The following ACSF3 variants were observed in gnomAD, a reference collection of about 807,000 sequenced individuals.
ACSF3 encodes the protein malonate--CoA ligase ACSF3, mitochondrial.
A neutral mutation model predicts 53.2 loss-of-function variants in ACSF3; 78 were observed. That is an observed-to-expected ratio of 1.47 (90% CI 1.22 to 1.77). ACSF3 has a LOEUF of 1.77. Ranked by LOEUF, ACSF3 falls within the 40% of genes most tolerant of loss-of-function variation. The pLI is 0.00. For synonymous variants in ACSF3, 414 were observed against 333.1 expected (o/e 1.24, Z -2.65); for missense variants, 937 against 771.1 (o/e 1.22, Z -2.55).
intron 7 of ACSF3, among the ~76,000 whole-genome samples, chr16:89,123,655 C>G (rs928717907): frequency 2.6e-5 from 4 of 152,212 alleles, no homozygotes; most frequent in African/African-American, 9.7e-5. Context: ...GGCAGATGAT[C>G]AGCCAGGCCT....
chr16:89,112,517 C>T (rs1904297650), intron 5 of ACSF3, among the ~76,000 whole-genome samples: 1 of 152,150 alleles, frequency 6.6e-6, no homozygotes, highest in African/African-American at 2.4e-5. Context: ...CTCTCTATCT[C>T]TCTCTGTCTC....
In ACSF3 at chr16:89,101,164, G is replaced by C; in HGVS notation, c.483G>C (p.Arg161Ser). ...EYLELLSPVVRKLGVPLLPLT... is the reference protein window; with the variant it reads ...EYLELLSPVVSKLGVPLLPLT... ...TGGAGCTCCTGAGCCCGGTGGTCAG[G>C]AAGCTGGGGGTCCCGCTGCTGCCGC... The change falls in exon 3 of 11, where the codon AGG (arginine) becomes AGC (serine). Residue 161 changes from arginine to serine, a missense_variant. Coordinates refer to ENST00000614302, the MANE Select transcript of ACSF3 (RefSeq NM_001243279.3). 1 of 1,612,994 alleles carries C rather than the reference G, an allele frequency of 6.2e-7. No homozygotes were observed. Among genetic ancestry groups the C allele is most frequent in the African/African-American group, 1.3e-5 (1 of 75,018 alleles).
rs1340982215 is a variant in ACSF3 at position 89,101,015 on chromosome 16, C to T, written c.334C>T (p.Gln112Ter). 2 of 1,613,818 alleles carry T rather than the reference C, an allele frequency of 1.2e-6. No individual in the cohort carries two copies. Among genetic ancestry groups the T allele is most frequent in the Non-Finnish European group, 1.7e-6 (2 of 1,179,814 alleles). ...TAACGATGCCTCCTACGTCGTGGCCCAGTGGGCGTCATGGATGAGTGGCGG... is the reference window on the plus strand; with the variant it reads ...TAACGATGCCTCCTACGTCGTGGCCTAGTGGGCGTCATGGATGAGTGGCGG... Reference protein sequence around the residue: ...CANDASYVVAQWASWMSGGVA... With the variant: ...CANDASYVVA The change falls in exon 3 of 11, where the codon CAG becomes TAG. Residue 112 changes from glutamine to a stop codon, truncating the protein, a stop_gained. Transcript: ENST00000614302. LOFTEE classifies it high-confidence loss of function.
At position 89,154,673 on chromosome 16, in the gene ACSF3, C is replaced by A; in HGVS notation, c.*466C>A. On this transcript the variant is annotated 3_prime_UTR_variant, in exon 11 of 11. Transcript: ENST00000614302. ...CCCACATAGGAGGTCTGGGCAGCCACCCAGGGGGCCCTCCTGGGAGGAGCT... is the reference window on the plus strand; with the variant it reads ...CCCACATAGGAGGTCTGGGCAGCCAACCAGGGGGCCCTCCTGGGAGGAGCT... 1 of 454,130 alleles carries A rather than the reference C, an allele frequency of 2.2e-6. No individual in the cohort carries two copies. Among genetic ancestry groups the A allele is most frequent in the Non-Finnish European group, 4.4e-6 (1 of 226,884 alleles). The allele number at this position is 454,130 out of a possible 1,614,324, so 28.1% of individuals were successfully genotyped here.
At chr16:89,119,296 G>A (rs1221301344) in intron 6 of ACSF3, among the ~76,000 whole-genome samples, 6 of 151,602 alleles carry the variant, frequency 4.0e-5, no homozygotes, top group Non-Finnish European at 5.9e-5. Flanking sequence ...CTGCGTCCCC[G>A]CCCCAGTAGA....
intron 1 of ACSF3, among the ~76,000 whole-genome samples, chr16:89,096,844 G>A (rs1974675444): frequency 6.6e-6 from 1 of 152,168 alleles, no homozygotes; most frequent in Admixed American, 6.5e-5. Flanking sequence ...ATAGCGCGTG[G>A]GCTCTCTGGG....
intron 10 of ACSF3, chr16:89,152,012 GAGA>G (rs1315818832): frequency 6.6e-6 from 1 of 152,368 alleles, no homozygotes; most frequent in South Asian, 2.1e-4. Context: ...AGCAAACTAG[GAGA>G]AGAAGGAAAA....
chr16:89,121,915 T>A (rs1906737330), intron 7 of ACSF3, among the ~76,000 whole-genome samples: 2 of 152,204 alleles, frequency 1.3e-5, no homozygotes, highest in Non-Finnish European at 2.9e-5. Flanking sequence ...TTCAGTGTCA[T>A]TAAATGACAC....
chr16:89,114,756 A>T (rs1279221925), intron 6 of ACSF3: 1 of 537,296 alleles, frequency 1.9e-6, no homozygotes, highest in Non-Finnish European at 3.4e-6. Flanking sequence ...AATGGGAAGA[A>T]CAGCAATGCC....
chr16:89,115,400 G>C (rs141647687), intron 6 of ACSF3: 2 of 152,320 alleles, frequency 1.3e-5, no homozygotes, highest in Non-Finnish European at 2.9e-5. Context: ...GGGAGGCCAC[G>C]TGGCTAAATC....
chr16:89,145,481 T>A, intron 9 of ACSF3, 80 bp downstream of exon 9: 2 of 1,550,434 alleles, frequency 1.3e-6, no homozygotes, highest in Non-Finnish European at 1.8e-6. Context: ...CGACTGCAGA[T>A]GAGTCGACGC....
At chr16:89,153,516 T>C (rs1294097447) in intron 10 of ACSF3, 1 of 149,204 alleles carries the variant, frequency 6.7e-6, no homozygotes, top group African/African-American at 2.6e-5. Context: ...GGACCCTGAG[T>C]GGAGGTTTCA....
In ACSF3 at chr16:89,119,707, C is replaced by T. The variant is rs867367808; in HGVS notation, c.1127-1094C>T. 2.6e-5 allele frequency among the ~76,000 whole-genome samples: 4 copies of T among 152,266 alleles called. No individual in the cohort carries two copies. In the South Asian group the frequency reaches 6.2e-4, roughly 24 times the overall value. Reference sequence around the variant, plus strand: ...CATACCTGGAACCACAGAGAACTCCCGAGGTGACACTCCGCACACCACACT... The same window carrying T: ...CATACCTGGAACCACAGAGAACTCCTGAGGTGACACTCCGCACACCACACT... On this transcript the variant is annotated intron_variant, in intron 6 of 10. Coordinates refer to ENST00000614302, the MANE Select transcript of ACSF3 (RefSeq NM_001243279.3).
intron 6 of ACSF3, among the ~76,000 whole-genome samples, chr16:89,117,972 G>A (rs1438538757): frequency 9.0e-6 from 1 of 111,016 alleles, no homozygotes; most frequent in Non-Finnish European, 2.0e-5. Flanking sequence ...CAGGCGCCAA[G>A]GACATTCCCT....
At chr16:89,113,845 C>T (rs551264165) in intron 5 of ACSF3, 59 of 280,170 alleles carry the variant, frequency 2.1e-4, no homozygotes, top group African/African-American at 1.0e-3. Context: ...CGGCCCCACC[C>T]CTTGGGTGCC....
intron 5 of ACSF3, chr16:89,113,876 G>A (rs752761225): frequency 3.4e-6 from 1 of 298,476 alleles, no homozygotes; most frequent in Admixed American, 4.6e-5. Flanking sequence ...ACCCATGTCC[G>A]CGTTCTGCTG....
At position 89,112,172 on chromosome 16, in the gene ACSF3, G is replaced by A. The variant is rs1449730816; in HGVS notation, c.903G>A (p.Met301Ile). The change falls in exon 5 of 11, where the codon ATG (methionine) becomes ATA (isoleucine). Residue 301 changes from methionine to isoleucine, a missense_variant. By Grantham distance (10) the Met-to-Ile change is conservative. Transcript: ENST00000614302. Reference sequence around the variant, plus strand: ...TGCCTACAATATACACCAAGCTGATGGAGTACTACGACAGGCATTTTACCC... The same window carrying A: ...TGCCTACAATATACACCAAGCTGATAGAGTACTACGACAGGCATTTTACCC... ...MAVPTIYTKL[M>I]EYYDRHFTQP... The A allele has an allele frequency of 2.2e-5, 28 of 1,291,006 alleles. No homozygotes were observed. In the East Asian group the frequency reaches 7.6e-4, roughly 35 times the overall value. 80.0% of individuals were successfully genotyped at this position (1,291,006 alleles called of 1,614,324 possible). A position where few individuals can be genotyped will look rare whatever the true frequency, so the allele number is the denominator to read the frequency against.
At position 89,114,453 on chromosome 16, in the gene ACSF3, G is replaced by A. The variant is rs775808630; in HGVS notation, c.1092G>A (p.Leu364=). 22 of 1,613,206 alleles carry A rather than the reference G, an allele frequency of 1.4e-5. No homozygotes were observed. In the African/African-American group the frequency reaches 2.3e-4, roughly 17 times the overall value. The change falls in exon 6 of 11, where the codon CTG becomes CTA. Residue 364 remains leucine, a synonymous_variant. Coordinates refer to ENST00000614302, the MANE Select transcript of ACSF3 (RefSeq NM_001243279.3). ...GCATGACCGAGATCGGCATGGCTCTGTCCGGGCCCCTGACCACTGCCGTGC... is the reference window on the plus strand; with the variant it reads ...GCATGACCGAGATCGGCATGGCTCTATCCGGGCCCCTGACCACTGCCGTGC... ...RYGMTEIGMA[L]SGPLTTAVRL... is the part of the protein sequence containing the mutation.
chr16:89,139,750 A>G (rs1911381860), intron 8 of ACSF3, among the ~76,000 whole-genome samples: 1 of 151,386 alleles, frequency 6.6e-6, no homozygotes, highest in South Asian at 2.1e-4. Flanking sequence ...GCCCACCACC[A>G]CACCTGGCTG....
Sources: gnomAD v4.1 joint callset for allele counts (sites outside exome capture counted in the v4.1 genomes callset) on GRCh38, gnomAD v4.1.1 for gene constraint, MANE v1.5 for transcripts, NCBI Gene and HGNC (gene_info 2026-07-23, HGNC 2026-07-21) for gene names.